Variants in OXR1 observed in about 807,000 individuals in gnomAD.
The protein encoded by OXR1 is oxidation resistance 1.
Under a neutral mutation model 104.6 loss-of-function variants are expected in OXR1, and 41 were observed. The observed-to-expected ratio is 0.39, with a 90% CI of 0.31 to 0.51. The LOEUF (loss-of-function observed/expected upper bound fraction) is 0.51, where lower values mean the gene tolerates loss of function less well. OXR1 is among the 20% of genes least tolerant of loss of function. The probability of loss-of-function intolerance (pLI) is 0.77; values close to 1 mark genes in which losing one functional copy is unlikely to be tolerated. For synonymous variants in OXR1, 348 were observed against 348.4 expected (o/e 1.00, Z 0.01); for missense variants, 955 against 1,031.9 (o/e 0.93, Z 1.02).
chr8:106,614,849 T>C (rs879691911), intron 3 of OXR1, among the ~76,000 whole-genome samples: 1 of 152,220 alleles, frequency 6.6e-6, no homozygotes, highest in Non-Finnish European at 1.5e-5. Flanking sequence ...AACTCTCTCA[T>C]TCATATTCAG....
rs1563773398 is a variant in OXR1 at position 106,750,319 on chromosome 8, C to CTTTCTTTT, written c.2487-484_2487-483insCTTTTTTT. Among the ~76,000 whole-genome samples, 5 of 68,260 alleles carry CTTTCTTTT rather than the reference C, an allele frequency of 7.3e-5. 1 individual carries two copies. The highest frequency in any genetic ancestry group is 1.0e-4 in the Non-Finnish European group (3 of 29,594). The allele number at this position is 68,260 out of a possible 152,430, so 44.8% of individuals were successfully genotyped here. A position where few individuals can be genotyped will look rare whatever the true frequency, so the allele number is the denominator to read the frequency against. ...ATAAATAATTTTTTTCTTTTCTTTT[C>CTTTCTTTT]TTTTCTTTTTTTTTTTTTTTTTTGA... On this transcript the variant is annotated intron_variant, in intron 16 of 16. Coordinates refer to ENST00000517566, the MANE Select transcript of OXR1 (RefSeq NM_001198533.2).
chr8:106,722,690 C>G (rs2131467861), intron 11 of OXR1, among the ~76,000 whole-genome samples: 1 of 152,260 alleles, frequency 6.6e-6, no homozygotes, highest in Admixed American at 6.5e-5. Flanking sequence ...ATAGGCCATA[C>G]CGTATAACCT....
chr8:106,396,000 AG>A lies in OXR1; in HGVS notation c.23+36365del, dbSNP rs1182483155. Among the ~76,000 whole-genome samples, 6 of 152,264 alleles carry A rather than the reference AG, an allele frequency of 3.9e-5. No homozygotes were observed. The East Asian group carries it at 9.7e-4, about 25-fold the overall frequency. On this transcript the variant is annotated intron_variant, in intron 2 of 16. Transcript: ENST00000517566. ...TGGCCAAGACTGGAACCATTAAAGC[AG>A]CAAAATAAATAGAATAGTGCTAGTT...
intron 2 of OXR1, among the ~76,000 whole-genome samples, chr8:106,375,957 C>T (rs1195838554): frequency 6.6e-6 from 1 of 152,078 alleles, no homozygotes; most frequent in Admixed American, 6.6e-5. Context: ...TCAAGCCATC[C>T]TCACACCTCA....
In OXR1 at chr8:106,476,504, C is replaced by A. The variant is rs926751715; in HGVS notation, c.24-42439C>A. Among the ~76,000 whole-genome samples, 5 of 152,056 alleles carry A rather than the reference C, an allele frequency of 3.3e-5. No homozygotes were observed. In the South Asian group the frequency reaches 1.0e-3, roughly 32 times the overall value. On this transcript the variant is annotated intron_variant, in intron 2 of 16. Transcript: ENST00000517566. ...GATTATAAACCTGACTGCATTTCCA[C>A]AAAATGGTAGAGTTAGCCTAACCCT...
intron 1 of OXR1, among the ~76,000 whole-genome samples, chr8:106,342,005 A>C (rs886767146): frequency 8.6e-5 from 13 of 151,492 alleles, no homozygotes; most frequent in African/African-American, 3.2e-4. Flanking sequence ...CCTCCAGAGT[A>C]ACTGGGATTA....
At chr8:106,479,605 T>C (rs1288441677) in intron 2 of OXR1, among the ~76,000 whole-genome samples, 2 of 152,014 alleles carry the variant, frequency 1.3e-5, no homozygotes, top group Non-Finnish European at 2.9e-5. Flanking sequence ...TGACATTGCT[T>C]TCTTTGCACA....
At chr8:106,522,911 A>C (rs1464279920) in intron 3 of OXR1, 1 of 152,242 alleles carries the variant, frequency 6.6e-6, no homozygotes, top group East Asian at 1.9e-4. Context: ...AGTTCAGTCC[A>C]CACGGTATGA....
intron 2 of OXR1, among the ~76,000 whole-genome samples, chr8:106,396,309 C>A (rs1232877887): frequency 2.0e-5 from 3 of 151,942 alleles, no homozygotes; most frequent in Non-Finnish European, 2.9e-5. Flanking sequence ...CTGACACACA[C>A]CGCCTGAGCC....
chr8:106,361,043 A>G (rs1440876298), intron 2 of OXR1, among the ~76,000 whole-genome samples: 1 of 152,170 alleles, frequency 6.6e-6, no homozygotes, highest in Non-Finnish European at 1.5e-5. Flanking sequence ...GCTTCTATTA[A>G]CTGCTTTGAT....
chr8:106,659,626 G>A (rs1279662330), intron 3 of OXR1, among the ~76,000 whole-genome samples: 1 of 152,156 alleles, frequency 6.6e-6, no homozygotes, highest in African/African-American at 2.4e-5. Context: ...GAAATGGGTG[G>A]AGAATTCAGA....
At chr8:106,451,843 A>G (rs1485736116) in intron 2 of OXR1, among the ~76,000 whole-genome samples, 1 of 152,204 alleles carries the variant, frequency 6.6e-6, no homozygotes, top group Non-Finnish European at 1.5e-5. Context: ...ATAAAACATG[A>G]TTCCTGCTCT....
At chr8:106,633,011 G>T (rs896165676) in intron 3 of OXR1, among the ~76,000 whole-genome samples, 1 of 151,910 alleles carries the variant, frequency 6.6e-6, no homozygotes, top group African/African-American at 2.4e-5. Context: ...TGAGGCGGGT[G>T]TATCACAAGC....
At chr8:106,708,043 A>G (rs181749264) in intron 9 of OXR1, among the ~76,000 whole-genome samples, 4 of 152,212 alleles carry the variant, frequency 2.6e-5, no homozygotes, top group African/African-American at 9.6e-5. Flanking sequence ...GATCATCACT[A>G]CTGTCCATTT....
intron 2 of OXR1, among the ~76,000 whole-genome samples, chr8:106,395,946 C>T (rs1243219643): frequency 6.6e-6 from 1 of 152,034 alleles, no homozygotes; most frequent in Admixed American, 6.6e-5. Flanking sequence ...GTCACAGGGG[C>T]ACAGGGGCCA....
chr8:106,352,230 C>T (rs1335480387), intron 1 of OXR1, among the ~76,000 whole-genome samples: 1 of 152,156 alleles, frequency 6.6e-6, no homozygotes, highest in East Asian at 1.9e-4. Context: ...ATCAACCAGG[C>T]TTAGTGATTA....
Position 106,739,591 on chromosome 8 carries a change from A to C in OXR1, c.2163+8A>C, listed in dbSNP as rs1369515037. On this transcript the variant is annotated splice_region_variant and intron_variant, in intron 13 of 16. Coordinates refer to ENST00000517566, the MANE Select transcript of OXR1 (RefSeq NM_001198533.2). ...CCAGATCAAATTGAAAAGGTATGAC[A>C]TGCTCACATATGTGCATTTCTGAGT... The C allele has an allele frequency of 6.2e-7, 1 of 1,612,290 alleles. No homozygotes were observed. The highest frequency in any genetic ancestry group is 1.3e-5 in the African/African-American group (1 of 74,914).
chr8:106,699,454 CA>C (rs1830393766), intron 7 of OXR1, among the ~76,000 whole-genome samples: 1 of 152,160 alleles, frequency 6.6e-6, no homozygotes, highest in Non-Finnish European at 1.5e-5. Context: ...CTTCGGTAAT[CA>C]AAGAGCTGAT....
intron 2 of OXR1, among the ~76,000 whole-genome samples, chr8:106,446,750 G>A (rs1820026388): frequency 6.6e-6 from 1 of 152,044 alleles, no homozygotes; most frequent in Admixed American, 6.6e-5. Context: ...GGGCAACATA[G>A]CAGGACTTCA....
Sources: allele counts gnomAD v4.1 joint callset (sites outside exome capture counted in the v4.1 genomes callset), GRCh38; gene constraint gnomAD v4.1.1; transcripts MANE v1.5; gene names NCBI Gene and HGNC (gene_info 2026-07-23, HGNC 2026-07-21).